The following GSDMC variants were observed in gnomAD, a reference collection of about 807,000 sequenced individuals.
GSDMC encodes the protein gasdermin-C.
In GSDMC, 59 loss-of-function variants were observed where a neutral mutation model predicts 58.0. That is an observed-to-expected ratio of 1.02 (90% CI 0.82 to 1.26). The LOEUF is 1.26. GSDMC is among the 50% of genes most tolerant of loss of function. The pLI is 0.00. For missense variants in GSDMC, 659 were observed against 598.5 expected (o/e 1.10, Z -1.06); for synonymous variants, 241 against 220.2 (o/e 1.09, Z -0.83).
intron 6 of GSDMC, among the ~76,000 whole-genome samples, chr8:129,758,807 TTCAA>T (rs1348554631): frequency 2.0e-5 from 3 of 152,120 alleles, no homozygotes; most frequent in Non-Finnish European, 4.4e-5. Context: ...AATCTACAGA[TTCAA>T]TGCAATCCCT....
intron 1 of GSDMC, 28 bp from the exon 2 acceptor site, chr8:129,777,619 G>T (rs1173616885): frequency 3.4e-6 from 4 of 1,178,692 alleles, no homozygotes; most frequent in Non-Finnish European, 3.8e-6. Context: ...GAGAGCATCA[G>T]TTGGGAGAGG....
At position 129,748,342 on chromosome 8, in the gene GSDMC, C is replaced by T; in HGVS notation, c.*159G>A. ...TCTTGTCAATATATAGAGTATTCCA[C>T]CACCCCAAAACATTTCCTAAAGTCT... On this transcript the variant is annotated 3_prime_UTR_variant, in exon 14 of 14. Coordinates refer to ENST00000276708, the MANE Select transcript of GSDMC (RefSeq NM_031415.3). The T allele has an allele frequency of 1.6e-6, 1 of 614,236 alleles. No individual in the cohort carries two copies. 38.0% of individuals were successfully genotyped at this position (614,236 alleles called of 1,614,324 possible).
chr8:129,765,437 A>T (rs2033820133), intron 4 of GSDMC, among the ~76,000 whole-genome samples, 191 bp downstream of exon 4: 1 of 152,218 alleles, frequency 6.6e-6, no homozygotes, highest in South Asian at 2.1e-4. Flanking sequence ...AAAACACTGT[A>T]ACGGAGGATA....
At chr8:129,726,312 C>T in the GSDMC span, among the ~76,000 whole-genome samples, 15 of 152,148 alleles carry the variant, frequency 9.9e-5, no homozygotes, top group Admixed American at 1.3e-4. Flanking sequence ...GTTAGGCCCT[C>T]AGTTGATGCC....
At chr8:129,737,933 C>T in the GSDMC span, among the ~76,000 whole-genome samples, 29 of 152,188 alleles carry the variant, frequency 1.9e-4, no homozygotes, top group Admixed American at 2.0e-4. Flanking sequence ...GGCTAATATC[C>T]AGAATCTACA....
the GSDMC span, among the ~76,000 whole-genome samples, chr8:129,714,625 T>A: frequency 6.6e-6 from 1 of 152,200 alleles, no homozygotes; most frequent in African/African-American, 2.4e-5. Flanking sequence ...AAATAAGAAG[T>A]CGATTTAAAT....
At position 129,768,723 on chromosome 8, in the gene GSDMC, T is replaced by A. The variant is rs141643320; in HGVS notation, c.405-2930A>T. ...ATGGCACTTATGGGACACCATCAAG[T>A]GAAACAAAAAAATATTCTCCAGAAA... On this transcript the variant is annotated intron_variant, in intron 3 of 13. Transcript: ENST00000276708. 2.9e-3 allele frequency among the ~76,000 whole-genome samples: 427 copies of A among 147,634 alleles called. 5 individuals are homozygous for A. The highest frequency in any genetic ancestry group is 8.9e-3 in the African/African-American group (367 of 41,220).
intron 13 of GSDMC, 72 bp from the exon 14 acceptor site, chr8:129,748,812 C>G: frequency 7.9e-7 from 1 of 1,273,018 alleles, no homozygotes; most frequent in Non-Finnish European, 1.1e-6. Flanking sequence ...GCCCCAGTAT[C>G]CAGGGGCCAT....
chr8:129,718,335 AC>A, the GSDMC span, among the ~76,000 whole-genome samples: 1 of 152,188 alleles, frequency 6.6e-6, no homozygotes, highest in African/African-American at 2.4e-5. Flanking sequence ...CAAGAAAAAA[AC>A]AAACAACCCC....
chr8:129,729,262 A>G, the GSDMC span: 1 of 622,250 alleles, frequency 1.6e-6, no homozygotes, highest in Non-Finnish European at 3.1e-6. Flanking sequence ...TTAGACATGT[A>G]TCTGCCAGTA....
At chr8:129,764,414 G>A (rs2033784948) in intron 4 of GSDMC, among the ~76,000 whole-genome samples, 1 of 152,116 alleles carries the variant, frequency 6.6e-6, no homozygotes, top group Admixed American at 6.5e-5. Flanking sequence ...GGGTAGAAAG[G>A]GTAGAGATGT....
At chr8:129,737,348 A>C in the GSDMC span, among the ~76,000 whole-genome samples, 1 of 152,216 alleles carries the variant, frequency 6.6e-6, no homozygotes, top group African/African-American at 2.4e-5. Flanking sequence ...TCCTAAGCCA[A>C]AAGAACAAAG....
At chr8:129,748,847 C>T in intron 13 of GSDMC, 107 bp from the exon 14 acceptor site, 2 of 880,472 alleles carry the variant, frequency 2.3e-6, no homozygotes, top group Non-Finnish European at 3.2e-6. Context: ...GGAGCAAGAG[C>T]TTTGGGATCC....
Position 129,748,634 on chromosome 8 carries a change from T to C in GSDMC, c.1394A>G (p.Tyr465Cys), listed in dbSNP as rs770270429. ...PLQSEGLAIT[Y>C]GLLEECGLRM... ...AAGGCCACACTCCTCCAGCAGGCCATAGGTGATGGCCAAACCCTCACTCTG... is the reference window on the plus strand; with the variant it reads ...AAGGCCACACTCCTCCAGCAGGCCACAGGTGATGGCCAAACCCTCACTCTG... The change falls in exon 14 of 14, where the codon TAT (tyrosine) becomes TGT (cysteine). Residue 465 changes from tyrosine (Y) to cysteine (C), a missense_variant. Coordinates refer to ENST00000276708, the MANE Select transcript of GSDMC (RefSeq NM_031415.3). The C allele has an allele frequency of 1.6e-5, 26 of 1,612,524 alleles. No individual in the cohort carries two copies. In the African/African-American group the frequency reaches 2.3e-4, roughly 14 times the overall value.
the GSDMC span, among the ~76,000 whole-genome samples, chr8:129,714,556 C>T: frequency 6.6e-6 from 1 of 151,920 alleles, no homozygotes; most frequent in African/African-American, 2.4e-5. Context: ...GCAAGTGATA[C>T]TGATTTTCCA....
chr8:129,763,232 T>C (rs1363089570), intron 4 of GSDMC, among the ~76,000 whole-genome samples: 2 of 152,236 alleles, frequency 1.3e-5, no homozygotes, highest in African/African-American at 4.8e-5. Flanking sequence ...TCTAAAGACA[T>C]TTTTATTGTA....
intron 1 of GSDMC, among the ~76,000 whole-genome samples, chr8:129,778,759 T>C (rs1338752585): frequency 1.1e-5 from 1 of 91,286 alleles, no homozygotes. Context: ...TGAGCCAATT[T>C]ACAAGAAAAA....
the GSDMC span, among the ~76,000 whole-genome samples, chr8:129,726,433 C>G: frequency 2.6e-5 from 4 of 152,044 alleles, no homozygotes; most frequent in Non-Finnish European, 2.9e-5. Context: ...TTCAGTAGGT[C>G]CGGAAGCATA....
the GSDMC span, among the ~76,000 whole-genome samples, chr8:129,709,590 T>TGATTGATAGATA: frequency 6.8e-6 from 1 of 146,022 alleles, no homozygotes; most frequent in African/African-American, 2.6e-5. Context: ...GATAGATAGA[T>TGATTGATAGATA]GATAGATAGA....
Sources: allele counts gnomAD v4.1 joint callset (sites outside exome capture counted in the v4.1 genomes callset), GRCh38; gene constraint gnomAD v4.1.1; transcripts MANE v1.5; gene names NCBI Gene and HGNC (gene_info 2026-07-23, HGNC 2026-07-21).